DOCK4: variants seen among roughly 807,000 people sequenced by gnomAD.
DOCK4 encodes dedicator of cytokinesis 4, also known as dedicator of cytokinesis protein 4.
DOCK4 carries 97 observed loss-of-function variants against 268.1 expected under a neutral mutation model. That is an observed-to-expected ratio of 0.36 (90% CI 0.31 to 0.43). The LOEUF is 0.43. Among genes scored for constraint, DOCK4 ranks in the 20% least tolerant of loss-of-function variants. DOCK4 has a pLI of 1.00. For synonymous variants in DOCK4, 954 were observed against 887.2 expected (o/e 1.08, Z -1.34); for missense variants, 2,145 against 2,455.7 (o/e 0.87, Z 2.67).
intron 25 of DOCK4, among the ~76,000 whole-genome samples, chr7:111,842,091 T>C (rs1803742978): frequency 6.6e-6 from 1 of 152,214 alleles, no homozygotes; most frequent in South Asian, 2.1e-4. Flanking sequence ...TCCTTCCTCT[T>C]CCACGTTGAA....
chr7:111,883,704 C>T (rs1192187967), intron 16 of DOCK4, among the ~76,000 whole-genome samples: 3 of 152,024 alleles, frequency 2.0e-5, no homozygotes, highest in Non-Finnish European at 2.9e-5. Flanking sequence ...GCTGCTTTTC[C>T]ATGGGCCAGG....
At position 111,742,845 on chromosome 7, in the gene DOCK4, A is replaced by T. The variant is rs1388056093; in HGVS notation, c.4678-713T>A. On this transcript the variant is annotated intron_variant, in intron 44 of 52. Coordinates refer to ENST00000428084, the MANE Select transcript of DOCK4 (RefSeq NM_001363540.2). ...TGTCTCTACTAAAAATACAAAAATT[A>T]GCCAGGTGTGGTGGCACGTGCCTGT... is the stretch of plus-strand genomic sequence containing the variant. 3.9e-5 allele frequency among the ~76,000 whole-genome samples: 6 copies of T among 152,066 alleles called. No homozygotes were observed. In the East Asian group the frequency reaches 1.2e-3, roughly 29 times the overall value.
chr7:111,741,091 T>C lies in DOCK4; in HGVS notation c.5040+3A>G. On this transcript the variant is annotated splice_donor_region_variant and intron_variant, in intron 47 of 52. Transcript: ENST00000428084. ...ACAACCAGACAAAAAGCTAATTAAG[T>C]ACCTGCATGTTAAAGACTTCATCAG... The C allele has an allele frequency of 6.2e-7, 1 of 1,613,094 alleles. No individual in the cohort carries two copies. The highest frequency in any genetic ancestry group is 8.5e-7 in the Non-Finnish European group (1 of 1,179,716).
chr7:112,205,310 G>A (rs1382064841), intron 1 of DOCK4, among the ~76,000 whole-genome samples: 1 of 151,758 alleles, frequency 6.6e-6, no homozygotes, highest in Non-Finnish European at 1.5e-5. Context: ...CAGGCTTTCC[G>A]ATCCCCCTCC....
intron 1 of DOCK4, among the ~76,000 whole-genome samples, chr7:112,196,317 T>A (rs751712996): frequency 1.3e-5 from 2 of 151,080 alleles, no homozygotes; most frequent in Non-Finnish European, 2.9e-5. Context: ...AATCATCTCT[T>A]ATCCCCCTAC....
Position 111,904,554 on chromosome 7 carries a change from G to C in DOCK4, c.1193-2753C>G, listed in dbSNP as rs1791403807. 3.3e-5 allele frequency among the ~76,000 whole-genome samples: 5 copies of C among 152,222 alleles called. No homozygotes were observed. The South Asian group carries it at 1.0e-3, about 32-fold the overall frequency. ...AGGAGTAAGGTTCCAAAGGGCATTAGCTTCTCAGGCCAGTCCCCAAGGCCT... is the reference window on the plus strand; with the variant it reads ...AGGAGTAAGGTTCCAAAGGGCATTACCTTCTCAGGCCAGTCCCCAAGGCCT... On this transcript the variant is annotated intron_variant, in intron 13 of 52. Coordinates refer to ENST00000428084, the MANE Select transcript of DOCK4 (RefSeq NM_001363540.2).
rs554098706 is a variant in DOCK4 at position 112,147,780 on chromosome 7, C to G, written c.37+58322G>C. 3.6e-3 allele frequency among the ~76,000 whole-genome samples: 526 copies of G among 147,300 alleles called. 4 individuals are homozygous for G. The highest frequency in any genetic ancestry group is 0.013 in the African/African-American group (501 of 39,792). On this transcript the variant is annotated intron_variant, in intron 1 of 52. Transcript: ENST00000428084. ...TCCTTAACTACACAGGAACAATTCCCAGGAGCAAACGTAGATTTTTTTTTT... is the reference window on the plus strand; with the variant it reads ...TCCTTAACTACACAGGAACAATTCCGAGGAGCAAACGTAGATTTTTTTTTT...
intron 8 of DOCK4, among the ~76,000 whole-genome samples, chr7:111,951,143 T>C (rs929316198): frequency 6.6e-5 from 10 of 152,176 alleles, no homozygotes; most frequent in Admixed American, 6.5e-4. Flanking sequence ...ACCACAATTA[T>C]TTATTATTTA....
chr7:111,780,505 A>AGT (rs1798725620), intron 35 of DOCK4, among the ~76,000 whole-genome samples: 1 of 152,208 alleles, frequency 6.6e-6, no homozygotes, highest in Non-Finnish European at 1.5e-5. Context: ...TGAGAACAAA[A>AGT]CAAGCAATCA....
chr7:112,018,396 G>A (rs1034765829), intron 1 of DOCK4, among the ~76,000 whole-genome samples: 1 of 151,938 alleles, frequency 6.6e-6, no homozygotes, highest in African/African-American at 2.4e-5. Context: ...AGCCAAATCA[G>A]GATAAAAATG....
At position 111,727,403 on chromosome 7, in the gene DOCK4, T is replaced by C. The variant is rs1331319521; in HGVS notation, c.*871A>G. ...AGCTATTAATTTAATACTGTCTGTA[T>C]TGATTCCTGAATTCTTGCTAATGGG... On this transcript the variant is annotated 3_prime_UTR_variant, in exon 53 of 53. Coordinates refer to ENST00000428084, the MANE Select transcript of DOCK4 (RefSeq NM_001363540.2). The C allele has an allele frequency of 6.6e-6, 1 of 152,656 alleles. No homozygotes were observed. The highest frequency in any genetic ancestry group is 2.4e-5 in the African/African-American group (1 of 41,466). The allele number at this position is 152,656 out of a possible 1,614,324, so 9.5% of individuals were successfully genotyped here. A position where few individuals can be genotyped will look rare whatever the true frequency, so the allele number is the denominator to read the frequency against.
At chr7:111,933,275 T>C (rs535107572) in intron 12 of DOCK4, among the ~76,000 whole-genome samples, 1 of 131,474 alleles carries the variant, frequency 7.6e-6, no homozygotes, top group Non-Finnish European at 1.6e-5. Flanking sequence ...TATATACATA[T>C]ATACATATAT....
chr7:111,874,569 T>C (rs1485710100), intron 17 of DOCK4, among the ~76,000 whole-genome samples: 1 of 152,206 alleles, frequency 6.6e-6, no homozygotes, highest in Non-Finnish European at 1.5e-5. Flanking sequence ...CAGGCAAAAT[T>C]GCTGTATCCT....
intron 8 of DOCK4, among the ~76,000 whole-genome samples, chr7:111,974,492 ATGTGTG>A (rs59409689): frequency 0.11 from 9,397 of 84,264 alleles, 472 homozygotes; most frequent in Middle Eastern, 0.2. Flanking sequence ...TTGAAGAGGG[ATGTGTG>A]TGTGTGTGTG....
chr7:112,168,664 G>A (rs570855202), intron 1 of DOCK4, among the ~76,000 whole-genome samples: 24 of 152,264 alleles, frequency 1.6e-4, no homozygotes, highest in Non-Finnish European at 4.4e-5. Flanking sequence ...AAGATGCCAA[G>A]ATCATGTCAC....
At chr7:112,048,872 C>A (rs912474602) in intron 1 of DOCK4, among the ~76,000 whole-genome samples, 2 of 152,044 alleles carry the variant, frequency 1.3e-5, no homozygotes, top group African/African-American at 2.4e-5. Flanking sequence ...CACCTATCAA[C>A]CCATCACCTA....
chr7:112,192,583 T>C (rs1820057201), intron 1 of DOCK4, among the ~76,000 whole-genome samples: 1 of 152,206 alleles, frequency 6.6e-6, no homozygotes, highest in Non-Finnish European at 1.5e-5. Flanking sequence ...GTCTTAACTT[T>C]CACACTGATT....
chr7:111,902,656 T>TTTTTAA (rs1203857679), intron 13 of DOCK4, among the ~76,000 whole-genome samples: 296 of 152,266 alleles, frequency 1.9e-3, no homozygotes, highest in African/African-American at 6.6e-3. Context: ...AAAGCACAAC[T>TTTTTAA]AGAAAGTTTT....
chr7:111,872,057 A>G lies in DOCK4; in HGVS notation c.1960T>C (p.Phe654Leu). 6.4e-7 allele frequency: 1 copy of G among 1,552,968 alleles called. No individual in the cohort carries two copies. Among genetic ancestry groups the G allele is most frequent in the Non-Finnish European group, 8.7e-7 (1 of 1,148,320 alleles). ...TCCATTACAGGTTTAAAATGATGAA[A>G]TTTGCTATCTTGCAGCAAATTTATT... ...HIINLLQDSKFHHFKPVMDTY... is the reference protein window; with the variant it reads ...HIINLLQDSKLHHFKPVMDTY... The change falls in exon 20 of 53, where the codon TTT becomes CTT. Residue 654 changes from phenylalanine to leucine, a missense_variant. Physicochemically the swap from Phe to Leu is conservative, Grantham distance 22. Around this residue, in one of 2 missense-constraint regions of DOCK4, gnomAD observed 1,598 missense variants for 1,986.7 expected, o/e 0.80. Coordinates refer to ENST00000428084, the MANE Select transcript of DOCK4 (RefSeq NM_001363540.2).
Sources: gnomAD v4.1 joint callset for allele counts (sites outside exome capture counted in the v4.1 genomes callset) on GRCh38, gnomAD v4.1.1 for gene constraint, gnomAD v4.1.1 regional missense constraint, MANE v1.5 for transcripts, NCBI Gene and HGNC (gene_info 2026-07-23, HGNC 2026-07-21) for gene names.